PHC3: variants seen among roughly 807,000 people sequenced by gnomAD.
PHC3 encodes the protein polyhomeotic homolog 3, also known as polyhomeotic-like protein 3.
PHC3 carries 13 observed loss-of-function variants against 107.4 expected under a neutral mutation model. The ratio of observed to expected loss-of-function variants is 0.12; its 90% confidence interval spans 0.08 to 0.19. PHC3 has a LOEUF of 0.19. Among genes scored for constraint, PHC3 ranks in the 10% least tolerant of loss-of-function variants. The pLI, the probability that PHC3 is intolerant of heterozygous loss-of-function variation, is 1.00. For synonymous variants in PHC3, 456 were observed against 427.4 expected (o/e 1.07, Z -0.83); for missense variants, 992 against 1,210.9 (o/e 0.82, Z 2.68).
At chr3:170,128,503 A>T in intron 8 of PHC3, 181 bp downstream of exon 8, 1 of 1,152,296 alleles carries the variant, frequency 8.7e-7, no homozygotes, top group Non-Finnish European at 1.2e-6. Flanking sequence ...AACCACACTA[A>T]ACAAACAATG....
intron 7 of PHC3, among the ~76,000 whole-genome samples, chr3:170,131,323 C>T (rs181536783): frequency 7.0e-4 from 107 of 152,198 alleles, no homozygotes; most frequent in African/African-American, 2.5e-3. Context: ...ATTTCTACAG[C>T]GTGCCCTTCA....
chr3:170,175,569 G>A (rs1414585714), intron 2 of PHC3, among the ~76,000 whole-genome samples: 1 of 150,540 alleles, frequency 6.6e-6, no homozygotes, highest in East Asian at 2.0e-4. Context: ...CCAGGGGGTC[G>A]TGAGTTGTGA....
intron 6 of PHC3, among the ~76,000 whole-genome samples, chr3:170,136,997 T>C (rs1238500961): frequency 1.3e-5 from 2 of 152,000 alleles, no homozygotes; most frequent in Admixed American, 6.6e-5. Context: ...ATAAAAGCAG[T>C]ATGTATATAT....
At chr3:170,162,873 T>TGC (rs1560117371) in intron 4 of PHC3, among the ~76,000 whole-genome samples, 24 of 152,180 alleles carry the variant, frequency 1.6e-4, no homozygotes, top group African/African-American at 5.8e-4. Context: ...CTCCTTTCTG[T>TGC]TCCCTGTGCA....
chr3:170,175,013 C>G (rs888155654), intron 2 of PHC3, among the ~76,000 whole-genome samples: 1 of 152,142 alleles, frequency 6.6e-6, no homozygotes, highest in Non-Finnish European at 1.5e-5. Context: ...TTTCTGTTGT[C>G]AGCACAGTCT....
At chr3:170,136,268 C>G (rs1417080984) in intron 7 of PHC3, 151 bp downstream of exon 7, 1 of 896,578 alleles carries the variant, frequency 1.1e-6, no homozygotes, top group Non-Finnish European at 1.6e-6. Flanking sequence ...TGTCTCTTTT[C>G]AAGCTACACA....
At chr3:170,144,730 T>C (rs1213908076) in intron 6 of PHC3, among the ~76,000 whole-genome samples, 1 of 152,196 alleles carries the variant, frequency 6.6e-6, no homozygotes, top group Admixed American at 6.5e-5. Context: ...CTGTAATGAT[T>C]AATCTCACTG....
rs925671939 is a variant in PHC3, at chr3:170,176,757, C to T, written c.180+2016G>A. On this transcript the variant is annotated intron_variant, in intron 2 of 14. Transcript: ENST00000495893. ...ATTATTCAATAAGTATTAGCTATTA[C>T]TATCTACTGGAAACCTATAATGTGC... 1.5e-5 allele frequency: 4 copies of T among 269,336 alleles called. No homozygotes were observed. The East Asian group carries it at 2.6e-4, about 18-fold the overall frequency. 16.7% of individuals were successfully genotyped at this position (269,336 alleles called of 1,614,324 possible).
rs770688438 is a variant in PHC3, at chr3:170,181,704, C to T, written c.12G>A (p.Ala4=). 11 of 1,613,160 alleles carry T rather than the reference C, an allele frequency of 6.8e-6. No homozygotes were observed. The Admixed American group carries it at 1.0e-4, about 15-fold the overall frequency. Residue 4 remains alanine (A), a splice_region_variant and synonymous_variant, in exon 1 of 15, where the codon GCG becomes GCA. Transcript: ENST00000495893. ...TCAGTCACCATCTAGTCACTCACTC[C>T]GCTTCCGCCATCTTCTCTCCTCCAT... The part of the protein sequence containing the change: MAE[A]EFKDHSTAMD...
rs1195714584 is a variant in PHC3, at chr3:170,091,246, A to G, written c.*5984T>C. On this transcript the variant is annotated 3_prime_UTR_variant, in exon 15 of 15. Coordinates refer to ENST00000495893, the MANE Select transcript of PHC3 (RefSeq NM_024947.4). ...TAAAAGAACTTACTACCTTACTCTTATATTTAATTAACACCTTGCCATGTT... is the reference window on the plus strand; with the variant it reads ...TAAAAGAACTTACTACCTTACTCTTGTATTTAATTAACACCTTGCCATGTT... The G allele has an allele frequency of 6.6e-6, 1 of 152,230 alleles. No homozygotes were observed. The highest frequency in any genetic ancestry group is 1.5e-5 in the Non-Finnish European group (1 of 68,034). 9.4% of individuals were successfully genotyped at this position (152,230 alleles called of 1,614,324 possible).
chr3:170,126,715 T>G (rs1721365428), intron 8 of PHC3, among the ~76,000 whole-genome samples: 1 of 151,296 alleles, frequency 6.6e-6, no homozygotes, highest in Non-Finnish European at 1.5e-5. Context: ...CTAATTTTTG[T>G]ATTTTTAGTA....
At position 170,117,215 on chromosome 3, in the gene PHC3, T is replaced by C. The variant is rs747945353; in HGVS notation, c.2193+11A>G. 6.2e-7 allele frequency: 1 copy of C among 1,613,964 alleles called. No homozygotes were observed. Among genetic ancestry groups the C allele is most frequent in the South Asian group, 1.1e-5 (1 of 91,086 alleles). On this transcript the variant is annotated intron_variant, in intron 10 of 14. Transcript: ENST00000495893. ...ATTACAAACACACACACAAATATGC[T>C]TGCTACTTACAGGAAATGGCTCCAA...
At chr3:170,126,856 A>C (rs1430096223) in intron 8 of PHC3, among the ~76,000 whole-genome samples, 6 of 151,868 alleles carry the variant, frequency 4.0e-5, no homozygotes, top group Admixed American at 3.3e-4. Context: ...TTTCTATCCC[A>C]AATTTGTTCC....
intron 4 of PHC3, chr3:170,171,168 A>G: frequency 3.5e-6 from 2 of 577,584 alleles, no homozygotes; most frequent in Non-Finnish European, 6.0e-6. Flanking sequence ...AAATAATACA[A>G]AAAGATTTTT....
chr3:170,180,712 A>G (rs905050190), intron 1 of PHC3, among the ~76,000 whole-genome samples: 4 of 152,116 alleles, frequency 2.6e-5, no homozygotes, highest in Admixed American at 2.6e-4. Context: ...TGTACCAGTG[A>G]CATGCAAAAG....
At chr3:170,152,438 G>C (rs1396425256) in intron 4 of PHC3, among the ~76,000 whole-genome samples, 6 of 147,932 alleles carry the variant, frequency 4.1e-5, no homozygotes, top group Non-Finnish European at 8.9e-5. Flanking sequence ...CCTCCCCCTC[G>C]GCCTTCCAAA....
chr3:170,124,042 GT>G (rs921777030), intron 8 of PHC3, among the ~76,000 whole-genome samples: 5 of 151,916 alleles, frequency 3.3e-5, no homozygotes, highest in African/African-American at 1.2e-4. Flanking sequence ...TAGAGACAGG[GT>G]TTCACCAGGT....
At chr3:170,176,035 G>A (rs1730410455) in intron 2 of PHC3, among the ~76,000 whole-genome samples, 1 of 151,490 alleles carries the variant, frequency 6.6e-6, no homozygotes, top group Non-Finnish European at 1.5e-5. Flanking sequence ...AGACCGGCCT[G>A]ACCAATATGG....
chr3:170,103,377 G>A (rs1172295459), intron 12 of PHC3, among the ~76,000 whole-genome samples: 3 of 152,060 alleles, frequency 2.0e-5, no homozygotes, highest in Non-Finnish European at 2.9e-5. Context: ...AATATACTAG[G>A]GAGAGGATCT....
Sources: gnomAD v4.1 joint callset for allele counts (sites outside exome capture counted in the v4.1 genomes callset) on GRCh38, gnomAD v4.1.1 for gene constraint, MANE v1.5 for transcripts, NCBI Gene and HGNC (gene_info 2026-07-23, HGNC 2026-07-21) for gene names.